Variants in MIS18BP1 observed in about 807,000 individuals in gnomAD.
MIS18BP1 encodes mis18-binding protein 1.
Under a neutral mutation model 116.1 loss-of-function variants are expected in MIS18BP1, and 72 were observed. That is an observed-to-expected ratio of 0.62 (90% CI 0.51 to 0.75). The LOEUF (loss-of-function observed/expected upper bound fraction) is 0.75, where lower values mean the gene tolerates loss of function less well. Among genes scored for constraint, MIS18BP1 ranks in the 30% least tolerant of loss-of-function variants. The probability of loss-of-function intolerance (pLI) is 0.00; values close to 1 mark genes in which losing one functional copy is unlikely to be tolerated. For synonymous variants in MIS18BP1, 386 were observed against 427.0 expected, an observed-to-expected ratio of 0.90 and a Z score of 1.18; for missense variants, 1,363 against 1,303.2, an observed-to-expected ratio of 1.05 and a Z score of -0.71.
At chr14:45,217,465 T>C (rs1890854229) in intron 12 of MIS18BP1, among the ~76,000 whole-genome samples, 2 of 152,222 alleles carry the variant, frequency 1.3e-5, no homozygotes, top group South Asian at 4.1e-4. Flanking sequence ...GAAAGAAAAC[T>C]TAGCCTGTTA....
intron 11 of MIS18BP1, among the ~76,000 whole-genome samples, chr14:45,222,876 C>T (rs777455660): frequency 2.6e-5 from 4 of 152,072 alleles, no homozygotes; most frequent in Admixed American, 1.3e-4. Context: ...GAATTTTTGT[C>T]CAGTACCAAG....
chr14:45,217,020 A>G lies in MIS18BP1; in HGVS notation c.3002T>C (p.Leu1001Pro), dbSNP rs772860018. 7.4e-6 allele frequency: 12 copies of G among 1,613,524 alleles called. No homozygotes were observed. Among genetic ancestry groups the G allele is most frequent in the East Asian group, 2.2e-5 (1 of 44,846 alleles). ...STTPLQHQRI[L>P]LPSFQDSEDD... ...AAACAATGATTTCATGCCTCTTACC[A>G]GTATTCTTTGATGCTGTAAAGGTGT... Residue 1001 changes from leucine to proline, a missense_variant and splice_region_variant, in exon 13 of 17, where the codon CTG becomes CCG. Coordinates refer to ENST00000310806, the MANE Select transcript of MIS18BP1 (RefSeq NM_018353.5).
chr14:45,215,569 C>CA (rs1422148908), intron 13 of MIS18BP1, among the ~76,000 whole-genome samples: 2 of 151,448 alleles, frequency 1.3e-5, no homozygotes, highest in East Asian at 3.9e-4. Context: ...CATGCCACCA[C>CA]ACCCATCTAA....
At chr14:45,222,380 GT>G (rs1163998955) in intron 11 of MIS18BP1, among the ~76,000 whole-genome samples, 6 of 151,946 alleles carry the variant, frequency 3.9e-5, no homozygotes, top group African/African-American at 1.5e-4. Context: ...TCTTTGTATA[GT>G]TTTTTTAGAA....
In MIS18BP1 at chr14:45,242,146, A is replaced by G. The variant is rs201128147; in HGVS notation, c.1031T>C (p.Leu344Pro). The G allele has an allele frequency of 1.2e-6, 2 of 1,613,968 alleles. No individual in the cohort carries two copies. Among genetic ancestry groups the G allele is most frequent in the Non-Finnish European group, 1.7e-6 (2 of 1,180,008 alleles). Residue 344 changes from leucine (L) to proline (P), a missense_variant, in exon 4 of 17, where the codon CTT becomes CCT. Coordinates refer to ENST00000310806, the MANE Select transcript of MIS18BP1 (RefSeq NM_018353.5). ...TGTTATATGAAGTCTTGGTGTTGCA[A>G]GTACAATTTTACATGTATCTTTCAT... ...GSMKDTCKIVLATPRLHITIP... is the reference protein window; with the variant it reads ...GSMKDTCKIVPATPRLHITIP...
intron 4 of MIS18BP1, among the ~76,000 whole-genome samples, chr14:45,240,533 A>C (rs755709244): frequency 2.6e-5 from 4 of 151,930 alleles, no homozygotes; most frequent in Non-Finnish European, 5.9e-5. Flanking sequence ...ATAGCTCTCC[A>C]ATATGTTTCC....
At chr14:45,218,200 A>AT in intron 12 of MIS18BP1, 82 bp downstream of exon 12, 1 of 1,377,782 alleles carries the variant, frequency 7.3e-7, no homozygotes, top group East Asian at 2.4e-5. Context: ...ATATTCATGG[A>AT]TAAATATAAA....
chr14:45,236,537 T>C (rs1159913359), intron 5 of MIS18BP1, among the ~76,000 whole-genome samples: 1 of 152,200 alleles, frequency 6.6e-6, no homozygotes, highest in South Asian at 2.1e-4. Flanking sequence ...TGATGAACAC[T>C]GTCCCATTCA....
chr14:45,210,433 T>TA lies in MIS18BP1; in HGVS notation c.3098dup (p.Thr1035AsnfsTer17), dbSNP rs1890644168. The TA allele has an allele frequency of 2.5e-6, 4 of 1,613,968 alleles. No homozygotes were observed. The highest frequency in any genetic ancestry group is 3.4e-6 in the Non-Finnish European group (4 of 1,179,970). ...TGACATGCTGACATTGAGGAGTTTT[T>TA]ACCAATGGAAAGATAACTGATGATG... is the stretch of plus-strand genomic sequence containing the variant. On this transcript the variant is annotated frameshift_variant, in exon 14 of 17. Coordinates refer to ENST00000310806, the MANE Select transcript of MIS18BP1 (RefSeq NM_018353.5). LOFTEE classifies it high-confidence loss of function.
At position 45,203,624 on chromosome 14, in the gene MIS18BP1, A is replaced by G. The variant is rs986177591; in HGVS notation, c.*485T>C. 1.3e-5 allele frequency: 2 copies of G among 152,320 alleles called. No individual in the cohort carries two copies. The highest frequency in any genetic ancestry group is 4.8e-5 in the African/African-American group (2 of 41,458). 9.4% of individuals were successfully genotyped at this position (152,320 alleles called of 1,614,324 possible). ...ATTTAATTTCAACAATGTGTAATTT[A>G]AACATTAGGTTTGGATAACAACTGG... is the stretch of plus-strand genomic sequence containing the variant. On this transcript the variant is annotated 3_prime_UTR_variant, in exon 17 of 17. Transcript: ENST00000310806.
chr14:45,229,974 C>T (rs1164763119), intron 8 of MIS18BP1, among the ~76,000 whole-genome samples: 5 of 152,182 alleles, frequency 3.3e-5, no homozygotes, highest in South Asian at 2.1e-4. Context: ...ACATATTTAA[C>T]GTATTCCTTT....
intron 1 of MIS18BP1, among the ~76,000 whole-genome samples, chr14:45,252,146 G>A (rs559935870): frequency 4.6e-5 from 7 of 152,136 alleles, no homozygotes; most frequent in Non-Finnish European, 1.0e-4. Flanking sequence ...GATTCTACCC[G>A]ACTCCATAGC....
intron 1 of MIS18BP1, among the ~76,000 whole-genome samples, chr14:45,249,078 T>C (rs971043075): frequency 2.6e-5 from 4 of 151,492 alleles, no homozygotes; most frequent in African/African-American, 9.7e-5. Context: ...AGCTATGTTT[T>C]TTTTTTTTTA....
At chr14:45,246,036 G>T (rs910245857) in intron 2 of MIS18BP1, among the ~76,000 whole-genome samples, 1 of 152,066 alleles carries the variant, frequency 6.6e-6, no homozygotes, top group Non-Finnish European at 1.5e-5. Context: ...AGCCAACACC[G>T]GCTGTCATCT....
chr14:45,243,142 A>G (rs1225555073), intron 2 of MIS18BP1, among the ~76,000 whole-genome samples: 2 of 152,172 alleles, frequency 1.3e-5, no homozygotes, highest in African/African-American at 4.8e-5. Context: ...AGCTCTAGAC[A>G]AAAGTATTGG....
chr14:45,224,017 G>C lies in MIS18BP1; in HGVS notation c.2570C>G (p.Ala857Gly). The change falls in exon 11 of 17, where the codon GCA (alanine) becomes GGA (glycine). Residue 857 changes from alanine to glycine, a missense_variant. Coordinates refer to ENST00000310806, the MANE Select transcript of MIS18BP1 (RefSeq NM_018353.5). ...GVRKEFPITE[A>G]VGSDKTNRHP... is the part of the protein sequence containing the mutation. ...CCTATTTGTCTTATCAGATCCTACT[G>C]CCTCAGTAATTGGAAACTCTTTCCT... is the stretch of plus-strand genomic sequence containing the variant. 1 of 1,613,704 alleles carries C rather than the reference G, an allele frequency of 6.2e-7. No homozygotes were observed. Among genetic ancestry groups the C allele is most frequent in the South Asian group, 1.1e-5 (1 of 91,072 alleles).
intron 9 of MIS18BP1, among the ~76,000 whole-genome samples, chr14:45,227,159 G>A (rs1396171652): frequency 6.6e-6 from 1 of 152,046 alleles, no homozygotes; most frequent in African/African-American, 2.4e-5. Flanking sequence ...GAGAGACAGG[G>A]AAAATAAATA....
chr14:45,214,248 T>A (rs1477385802), intron 13 of MIS18BP1, among the ~76,000 whole-genome samples: 3 of 152,204 alleles, frequency 2.0e-5, no homozygotes, highest in Non-Finnish European at 2.9e-5. Flanking sequence ...AATATCTCAG[T>A]GTAAAACCCG....
rs186385958 is a variant in MIS18BP1, at chr14:45,252,345, A to C, written c.-92+690T>G. On this transcript the variant is annotated intron_variant, in intron 1 of 16. Coordinates refer to ENST00000310806, the MANE Select transcript of MIS18BP1 (RefSeq NM_018353.5). ...ATGTACTTATATGGAAAAGTATCCA[A>C]GAAACATTAAATTGAAAAAGAAAGT... Among the ~76,000 whole-genome samples the C allele has an allele frequency of 2.0e-5, 3 of 152,390 alleles. No homozygotes were observed. In the East Asian group the frequency reaches 5.8e-4, roughly 29 times the overall value.
Sources: allele counts gnomAD v4.1 joint callset (sites outside exome capture counted in the v4.1 genomes callset), GRCh38; gene constraint gnomAD v4.1.1; transcripts MANE v1.5; gene names NCBI Gene and HGNC (gene_info 2026-07-23, HGNC 2026-07-21).